The following CROCC variants were observed in gnomAD, a reference collection of about 807,000 sequenced individuals.
CROCC encodes the protein ciliary rootlet coiled-coil, rootletin, also known as rootletin.
A neutral mutation model predicts 245.2 loss-of-function variants in CROCC; 180 were observed. The ratio of observed to expected loss-of-function variants is 0.73; its 90% CI spans 0.65 to 0.83. The LOEUF (loss-of-function observed/expected upper bound fraction) is 0.83, where lower values mean the gene tolerates loss of function less well. Ranked by LOEUF, CROCC falls within the 40% of genes least tolerant of loss-of-function variation. CROCC has a pLI of 0.00. For missense variants in CROCC, 2,688 were observed against 2,779.4 expected, an observed-to-expected ratio of 0.97 and a Z score of 0.74; for synonymous variants, 1,205 against 1,241.6, an observed-to-expected ratio of 0.97 and a Z score of 0.62.
In CROCC at chr1:16,939,144, T is replaced by C. The variant is rs768312093; in HGVS notation, c.1608+2T>C. The C allele has an allele frequency of 6.9e-7, 1 of 1,440,588 alleles. No individual in the cohort carries two copies. Among genetic ancestry groups the C allele is most frequent in the Admixed American group, 2.6e-5 (1 of 38,036 alleles). The allele number at this position is 1,440,588 out of a possible 1,614,324, so 89.2% of individuals were successfully genotyped here. A position where few individuals can be genotyped will look rare whatever the true frequency, so the allele number is the denominator to read the frequency against. ...CACAAGCGCCAGCTGCAGGTCCAGG[T>C]AGGAAGGGGCTTGAGCGTTCTGGGC... On this transcript the variant is annotated splice_donor_variant, in intron 12 of 36. Transcript: ENST00000375541. LOFTEE classifies it high-confidence loss of function.
rs1373377819 is a variant in CROCC at position 16,965,705 on chromosome 1, GTCT to G, written c.4406-13_4406-11del. The G allele has an allele frequency of 2.5e-6, 4 of 1,575,736 alleles. No individual in the cohort carries two copies. Among genetic ancestry groups the G allele is most frequent in the South Asian group, 1.1e-5 (1 of 90,138 alleles). On this transcript the variant is annotated splice_polypyrimidine_tract_variant and intron_variant, in intron 27 of 36. Coordinates refer to ENST00000375541, the MANE Select transcript of CROCC (RefSeq NM_014675.5). Reference sequence around the variant, plus strand: ...CCGTGGCTTCTGCATCACTGAGCAAGTCTTCTTTCTCTTCTAGGAAGCGGGGAA... The same window carrying G: ...CCGTGGCTTCTGCATCACTGAGCAAGTCTTTCTCTTCTAGGAAGCGGGGAA...
In CROCC at chr1:16,939,943, G is replaced by A. The variant is rs371420190; in HGVS notation, c.1658G>A (p.Arg553Gln). The A allele has an allele frequency of 1.1e-5, 17 of 1,612,688 alleles. No homozygotes were observed. The highest frequency in any genetic ancestry group is 6.7e-5 in the East Asian group (3 of 44,902). The change falls in exon 13 of 37, where the codon CGG (arginine) becomes CAG (glutamine). Residue 553 changes from arginine to glutamine, a missense_variant. By Grantham distance (43) the Arg-to-Gln change is conservative. Around this residue, in one of 9 missense-constraint regions of CROCC, gnomAD observed 972 missense variants for 895.3 expected, o/e 1.09. Transcript: ENST00000375541. Reference sequence around the variant, plus strand: ...AGCCAGGACCTACTGGGCACCCTGCGGAAGCAGCTTAGCGACAGCGAGAGC... The same window carrying A: ...AGCCAGGACCTACTGGGCACCCTGCAGAAGCAGCTTAGCGACAGCGAGAGC... The part of the protein sequence containing the change: ...EASQDLLGTL[R>Q]KQLSDSESER...
Position 16,955,534 on chromosome 1 carries a change from G to A in CROCC, c.3688G>A (p.Glu1230Lys). 4 of 1,546,728 alleles carry A rather than the reference G, an allele frequency of 2.6e-6. No homozygotes were observed. Among genetic ancestry groups the A allele is most frequent in the Middle Eastern group, 1.7e-4 (1 of 5,818 alleles). ...EELRSAVKKA[E>K]SERISLKLAN... ...GCTTCGGTCTGCTGTGAAGAAGGCA[G>A]AGAGCGAGCGCATCAGGTGGGGTGT... is the stretch of plus-strand genomic sequence containing the variant. The change falls in exon 24 of 37, where the codon GAG becomes AAG. Residue 1230 changes from glutamate to lysine, a missense_variant. Glu to Lys is a moderately conservative substitution (Grantham distance 56). Around this residue, in one of 9 missense-constraint regions of CROCC, gnomAD observed 1,218 missense variants for 1,286.3 expected, o/e 0.95. Transcript: ENST00000375541.
chr1:16,928,484 G>A (rs555584011), intron 3 of CROCC, among the ~76,000 whole-genome samples: 41 of 152,344 alleles, frequency 2.7e-4, no homozygotes, highest in Admixed American at 5.2e-4. Flanking sequence ...CTGCAGTGAG[G>A]ATGGAGGGGA....
rs554800183 is a variant in CROCC at position 16,961,112 on chromosome 1, C to G, written c.4387C>G (p.Arg1463Gly). ...GCGGCCAGTGCCCGGTTCCCCTGCC[C>G]GGGACGCACCCGCAGAAGGTAAGGG... ...APRPVPGSPA[R>G]DAPAEGSGEG... The change falls in exon 27 of 37, where the codon CGG (arginine) becomes GGG (glycine). Residue 1463 changes from arginine (R) to glycine (G), a missense_variant. By Grantham distance (125) the Arg-to-Gly change is moderately radical. Coordinates refer to ENST00000375541, the MANE Select transcript of CROCC (RefSeq NM_014675.5). 3.0e-6 allele frequency: 4 copies of G among 1,353,790 alleles called. No homozygotes were observed. Among genetic ancestry groups the G allele is most frequent in the Non-Finnish European group, 2.8e-6 (3 of 1,058,454 alleles). The allele number at this position is 1,353,790 out of a possible 1,614,324, so 83.9% of individuals were successfully genotyped here. A position where few individuals can be genotyped will look rare whatever the true frequency, so the allele number is the denominator to read the frequency against.
chr1:16,932,170 A>C (rs1283381643), intron 8 of CROCC, among the ~76,000 whole-genome samples: 1 of 152,260 alleles, frequency 6.6e-6, no homozygotes, highest in Non-Finnish European at 1.5e-5. Context: ...TAGGCTGGGC[A>C]CGGTGGCTCA....
intron 13 of CROCC, among the ~76,000 whole-genome samples, chr1:16,943,196 C>T (rs1031893975): frequency 4.0e-5 from 6 of 150,560 alleles, no homozygotes; most frequent in African/African-American, 1.5e-4. Flanking sequence ...AAGCCGAGAT[C>T]GTGCACTGCA....
chr1:16,914,979 C>T (rs2075286617), intron 1 of CROCC, among the ~76,000 whole-genome samples: 2 of 152,238 alleles, frequency 1.3e-5, no homozygotes, highest in Admixed American at 6.5e-5. Context: ...GATCTTGTGG[C>T]GGGAGCAGAC....
Position 16,966,338 on chromosome 1 carries a change from C to T in CROCC, c.4697-70C>T. 2.0e-6 allele frequency: 3 copies of T among 1,463,480 alleles called. No homozygotes were observed. The highest frequency in any genetic ancestry group is 2.5e-5 in the East Asian group (1 of 40,042). 90.7% of individuals were successfully genotyped at this position (1,463,480 alleles called of 1,614,324 possible). A position where few individuals can be genotyped will look rare whatever the true frequency, so the allele number is the denominator to read the frequency against. ...TGCACTGGGTGGAGTGCAGGCTGGA[C>T]ATTTTGTGACCTGGTTTGGGTCTCG... On this transcript the variant is annotated intron_variant, in intron 29 of 36. Transcript: ENST00000375541. The surrounding 1 kb of genome is among the most constrained non-coding windows in gnomAD (Gnocchi z 4.8).
intron 33 of CROCC, 134 bp downstream of exon 33, chr1:16,970,068 G>C: frequency 7.8e-7 from 1 of 1,274,072 alleles, no homozygotes; most frequent in South Asian, 1.6e-5. Flanking sequence ...TTCATTCAGA[G>C]CATAGTCCTG....
chr1:16,963,170 C>G lies in CROCC; in HGVS notation c.4405+2040C>G, dbSNP rs558376427. ...TGCACTCTAGACTGGGCAACAAGAG[C>G]GAAACTCCGTCTCAGAAAAAAAAAA... On this transcript the variant is annotated intron_variant, in intron 27 of 36. Coordinates refer to ENST00000375541, the MANE Select transcript of CROCC (RefSeq NM_014675.5). Among the ~76,000 whole-genome samples the G allele has an allele frequency of 1.1e-3, 158 of 138,802 alleles. 4 individuals carry two copies. Among genetic ancestry groups the G allele is most frequent in the Non-Finnish European group, 3.7e-4 (24 of 65,710 alleles). The allele number at this position is 138,802 out of a possible 152,430, so 91.1% of individuals were successfully genotyped here. A position where few individuals can be genotyped will look rare whatever the true frequency, so the allele number is the denominator to read the frequency against.
At chr1:16,915,268 C>G (rs1183021367) in intron 1 of CROCC, among the ~76,000 whole-genome samples, 2 of 152,412 alleles carry the variant, frequency 1.3e-5, no homozygotes, top group Non-Finnish European at 2.9e-5. Flanking sequence ...CAAGGGGAAT[C>G]ATTTCTTTTT....
chr1:16,962,719 CAT>C lies in CROCC; in HGVS notation c.4405+1600_4405+1601del, dbSNP rs530941590. Among the ~76,000 whole-genome samples the C allele has an allele frequency of 2.3e-3, 335 of 147,448 alleles. 2 individuals carry two copies. Among genetic ancestry groups the C allele is most frequent in the African/African-American group, 4.9e-3 (196 of 40,162 alleles). ...ATGTGTGTGTGTGTATATAAATATA[CAT>C]ATATATATATGTATATTTTTTTTTT... On this transcript the variant is annotated intron_variant, in intron 27 of 36. Transcript: ENST00000375541.
intron 27 of CROCC, 99 bp from the exon 28 acceptor site, chr1:16,965,624 A>C: frequency 1.1e-6 from 1 of 906,878 alleles, no homozygotes; most frequent in Non-Finnish European, 1.8e-6. Flanking sequence ...GTTGGGCTTG[A>C]TTCTGAGGGC....
chr1:16,936,538 G>T (rs1235476653), intron 8 of CROCC, 99 bp from the exon 9 acceptor site: 58 of 1,253,328 alleles, frequency 4.6e-5, no homozygotes, highest in Non-Finnish European at 2.2e-6. Context: ...TGAAGTGCTG[G>T]GATTATAGGT....
In CROCC at chr1:16,966,631, T is replaced by C; in HGVS notation, c.4860+60T>C. The C allele has an allele frequency of 7.0e-7, 1 of 1,427,330 alleles. No individual in the cohort carries two copies. Among genetic ancestry groups the C allele is most frequent in the Non-Finnish European group, 9.2e-7 (1 of 1,090,030 alleles). The allele number at this position is 1,427,330 out of a possible 1,614,324, so 88.4% of individuals were successfully genotyped here. On this transcript the variant is annotated intron_variant, in intron 30 of 36. Coordinates refer to ENST00000375541, the MANE Select transcript of CROCC (RefSeq NM_014675.5). This position sits in a 1 kb window ranked among gnomAD's most constrained non-coding sequence, Gnocchi z 4.8. The stretch of plus-strand genomic sequence containing the variant: ...GAATCTGTGTACCCGAGTGAGTGTC[T>C]AACTCTTATGTGTGTCTCCCTGTGT...
chr1:16,939,865 C>A (rs371565159), intron 12 of CROCC, 29 bp from the exon 13 acceptor site: 2 of 1,609,876 alleles, frequency 1.2e-6, no homozygotes, highest in African/African-American at 1.3e-5. Flanking sequence ...CTCAGGCCCC[C>A]CCAGACTCTG....
At chr1:16,962,881 A>C (rs1056206565) in intron 27 of CROCC, among the ~76,000 whole-genome samples, 2 of 151,722 alleles carry the variant, frequency 1.3e-5, no homozygotes, top group Non-Finnish European at 2.9e-5. Flanking sequence ...TCAGTTGTAC[A>C]CTTAAAAATG....
chr1:16,969,425 A>G, intron 32 of CROCC, 85 bp downstream of exon 32: 1 of 1,360,256 alleles, frequency 7.4e-7, no homozygotes, highest in South Asian at 1.3e-5. Context: ...CCTGGTAGAG[A>G]GCCAGCCAAT....
Sources: gnomAD v4.1 joint callset for allele counts (sites outside exome capture counted in the v4.1 genomes callset) on GRCh38, gnomAD v4.1.1 for gene constraint, gnomAD v4.1.1 regional missense constraint, Gnocchi (gnomAD v3.1) non-coding constraint, MANE v1.5 for transcripts, NCBI Gene and HGNC (gene_info 2026-07-23, HGNC 2026-07-21) for gene names.